Variants in SLC25A26 observed in about 807,000 individuals in gnomAD.
SLC25A26 encodes solute carrier family 25 member 26, also known as mitochondrial S-adenosylmethionine carrier protein.
Under a neutral mutation model 37.8 loss-of-function variants are expected in SLC25A26, and 36 were observed. That is an observed-to-expected ratio of 0.95 (90% CI 0.73 to 1.26). SLC25A26 has a LOEUF of 1.26. Among genes scored for constraint, SLC25A26 ranks in the 50% most tolerant of loss-of-function variants. The probability of loss-of-function intolerance (pLI) is 0.00; values close to 1 mark genes in which losing one functional copy is unlikely to be tolerated. For synonymous variants in SLC25A26, 129 were observed against 122.5 expected, an observed-to-expected ratio of 1.05 and a Z score of -0.35; for missense variants, 390 against 331.1, an observed-to-expected ratio of 1.18 and a Z score of -1.38.
intron 1 of SLC25A26, among the ~76,000 whole-genome samples, chr3:66,138,318 C>A (rs1319802065): frequency 1.3e-5 from 2 of 152,036 alleles, no homozygotes; most frequent in Admixed American, 1.3e-4. Context: ...AAAATCATCC[C>A]ACAAATCTCA....
At chr3:66,351,702 C>T (rs2076457707) in intron 6 of SLC25A26, among the ~76,000 whole-genome samples, 1 of 152,130 alleles carries the variant, frequency 6.6e-6, no homozygotes, top group Non-Finnish European at 1.5e-5. Context: ...CAATCTGTTC[C>T]TTCCTAGTTG....
intron 1 of SLC25A26, among the ~76,000 whole-genome samples, chr3:66,212,602 T>C (rs1022004906): frequency 1.3e-5 from 2 of 152,164 alleles, no homozygotes; most frequent in African/African-American, 4.8e-5. Flanking sequence ...CATTGAACAA[T>C]TCAATGAACA....
intron 1 of SLC25A26, among the ~76,000 whole-genome samples, chr3:66,230,166 G>A (rs1230583160): frequency 1.3e-5 from 1 of 79,998 alleles, no homozygotes; most frequent in Non-Finnish European, 2.4e-5. Context: ...AGAAACACTC[G>A]GTTAGATATT....
intron 5 of SLC25A26, among the ~76,000 whole-genome samples, chr3:66,275,031 GA>G (rs2074089823): frequency 6.6e-6 from 1 of 152,046 alleles, no homozygotes; most frequent in Admixed American, 6.5e-5. Flanking sequence ...ACTGGATTAA[GA>G]AAATGTGGCA....
At chr3:66,226,981 C>T (rs192081676) in intron 1 of SLC25A26, among the ~76,000 whole-genome samples, 1 of 152,272 alleles carries the variant, frequency 6.6e-6, no homozygotes, top group Admixed American at 6.5e-5. Context: ...AAAACCTTAT[C>T]AACAGTAGTT....
intron 1 of SLC25A26, among the ~76,000 whole-genome samples, chr3:66,175,109 GTATATATATATA>G (rs769631849): frequency 4.1e-5 from 4 of 97,308 alleles, no homozygotes; most frequent in Non-Finnish European, 6.0e-5. Context: ...ATGTGTGTGT[GTATATATATATA>G]TATATATATA....
chr3:66,377,002 A>G (rs1700693855), intron 9 of SLC25A26, among the ~76,000 whole-genome samples: 1 of 152,058 alleles, frequency 6.6e-6, no homozygotes, highest in Admixed American at 6.6e-5. Context: ...AACTTATATC[A>G]CCATCAGCAA....
At chr3:66,330,421 T>TTA (rs779258030) in intron 5 of SLC25A26, among the ~76,000 whole-genome samples, 6 of 152,094 alleles carry the variant, frequency 3.9e-5, no homozygotes, top group Non-Finnish European at 7.4e-5. Flanking sequence ...GTTGTATATG[T>TTA]TATATATATG....
intron 1 of SLC25A26, among the ~76,000 whole-genome samples, chr3:66,169,244 A>G (rs1428722425): frequency 1.3e-5 from 2 of 152,232 alleles, no homozygotes; most frequent in East Asian, 1.9e-4. Context: ...AGTTATTAGT[A>G]CTTGCTCAAA....
chr3:66,150,633 T>G (rs1329281882), intron 1 of SLC25A26, among the ~76,000 whole-genome samples: 2 of 86,650 alleles, frequency 2.3e-5, no homozygotes, highest in African/African-American at 4.7e-5. Context: ...TATATATATA[T>G]ATATATATAT....
intron 5 of SLC25A26, among the ~76,000 whole-genome samples, chr3:66,296,275 G>A (rs1001026604): frequency 6.6e-6 from 1 of 152,136 alleles, no homozygotes; most frequent in African/African-American, 2.4e-5. Flanking sequence ...TTTCACTCTA[G>A]TTGTTTTAGG....
At chr3:66,284,595 C>A (rs546507454) in intron 5 of SLC25A26, among the ~76,000 whole-genome samples, 26 of 151,966 alleles carry the variant, frequency 1.7e-4, no homozygotes, top group African/African-American at 6.0e-4. Context: ...AAAAAATAAA[C>A]TATGATATGT....
intron 5 of SLC25A26, among the ~76,000 whole-genome samples, chr3:66,306,127 G>A (rs1241450101): frequency 6.6e-6 from 1 of 152,114 alleles, no homozygotes; most frequent in African/African-American, 2.4e-5. Context: ...TGGGACTACA[G>A]GTGTGCACCA....
chr3:66,376,219 G>A (rs11919941), intron 9 of SLC25A26, among the ~76,000 whole-genome samples: 40 of 152,048 alleles, frequency 2.6e-4, no homozygotes, highest in African/African-American at 8.4e-4. Context: ...GTGAAGATAC[G>A]GTGAACACTG....
chr3:66,176,631 G>C (rs1415559284), intron 1 of SLC25A26, among the ~76,000 whole-genome samples: 2 of 152,194 alleles, frequency 1.3e-5, no homozygotes, highest in Non-Finnish European at 2.9e-5. Context: ...TTAGAGTTTA[G>C]CAAGTCTCAG....
chr3:66,218,605 G>A (rs1469114483), upstream of SLC25A26, among the ~76,000 whole-genome samples: 1 of 152,176 alleles, frequency 6.6e-6, no homozygotes, highest in Non-Finnish European at 1.5e-5. Flanking sequence ...CATAATAAAT[G>A]TCGATTACCT....
chr3:66,372,952 GGTCAA>G (rs1181704535), intron 9 of SLC25A26, among the ~76,000 whole-genome samples: 10 of 152,140 alleles, frequency 6.6e-5, no homozygotes, highest in African/African-American at 2.2e-4. Flanking sequence ...GCCCTCTCGG[GGTCAA>G]GTCAAGTGGC....
chr3:66,312,087 C>G (rs1409993707), intron 5 of SLC25A26, among the ~76,000 whole-genome samples: 1 of 152,186 alleles, frequency 6.6e-6, no homozygotes, highest in Non-Finnish European at 1.5e-5. Context: ...TGAAGCTGTG[C>G]CCACAGCTGC....
At chr3:66,169,099 T>C (rs1009030509) in intron 1 of SLC25A26, among the ~76,000 whole-genome samples, 1 of 152,228 alleles carries the variant, frequency 6.6e-6, no homozygotes, top group Non-Finnish European at 1.5e-5. Context: ...CTATCCATCC[T>C]GGGTGACAGA....
Sources: gnomAD v4.1 joint callset for allele counts (sites outside exome capture counted in the v4.1 genomes callset) on GRCh38, gnomAD v4.1.1 for gene constraint, MANE v1.5 for transcripts, NCBI Gene and HGNC (gene_info 2026-07-23, HGNC 2026-07-21) for gene names.